CCT3: variants seen among roughly 807,000 people sequenced by gnomAD.
CCT3 encodes chaperonin containing TCP1 subunit 3, also known as T-complex protein 1 subunit gamma.
A neutral mutation model predicts 65.3 loss-of-function variants in CCT3; 10 were observed. The ratio of observed to expected loss-of-function variants is 0.15; its 90% CI spans 0.09 to 0.26. The LOEUF is 0.26. Ranked by LOEUF, CCT3 falls within the 10% of genes least tolerant of loss-of-function variation. The pLI is 1.00. For missense variants in CCT3, 626 were observed against 708.7 expected (o/e 0.88, Z 1.33); for synonymous variants, 225 against 242.3 (o/e 0.93, Z 0.66).
intron 10 of CCT3, among the ~76,000 whole-genome samples, chr1:156,316,142 C>T (rs368354562): frequency 1.1e-4 from 16 of 151,610 alleles, no homozygotes; most frequent in African/African-American, 2.4e-4. Context: ...AATAATACAA[C>T]GGCAAAAAAT....
At chr1:156,328,396 C>T (rs1211057513) in intron 5 of CCT3, among the ~76,000 whole-genome samples, 1 of 151,950 alleles carries the variant, frequency 6.6e-6, no homozygotes, top group Admixed American at 6.6e-5. Context: ...ATGACAATGG[C>T]GGTTTTGTGG....
chr1:156,319,468 T>C (rs909688276), intron 7 of CCT3, among the ~76,000 whole-genome samples: 1 of 152,152 alleles, frequency 6.6e-6, no homozygotes, highest in African/African-American at 2.4e-5. Context: ...AAAAATATTA[T>C]TGGAATCACA....
intron 4 of CCT3, 76 bp from the exon 5 acceptor site, chr1:156,333,719 G>A (rs1381461285): frequency 7.3e-6 from 8 of 1,088,456 alleles, no homozygotes; most frequent in Non-Finnish European, 1.1e-5. Context: ...CTAACTCTTG[G>A]GCTTCTTGCT....
chr1:156,327,428 T>C (rs949113834), intron 5 of CCT3, among the ~76,000 whole-genome samples: 8 of 152,090 alleles, frequency 5.3e-5, no homozygotes, highest in South Asian at 2.1e-4. Flanking sequence ...GTGCCTGCGA[T>C]TGCAGGCGCG....
intron 5 of CCT3, among the ~76,000 whole-genome samples, chr1:156,327,423 T>C (rs1412824222): frequency 6.6e-6 from 1 of 152,076 alleles, no homozygotes; most frequent in East Asian, 1.9e-4. Flanking sequence ...GCCGAGTGCC[T>C]GCGATTGCAG....
intron 5 of CCT3, among the ~76,000 whole-genome samples, chr1:156,331,060 C>T (rs1336558196): frequency 6.6e-6 from 1 of 151,470 alleles, no homozygotes; most frequent in East Asian, 1.9e-4. Flanking sequence ...GGTGAAATCC[C>T]GTCACTATTA....
chr1:156,324,500 T>C (rs1398243226), intron 6 of CCT3, among the ~76,000 whole-genome samples: 1 of 152,136 alleles, frequency 6.6e-6, no homozygotes, highest in Non-Finnish European at 1.5e-5. Context: ...GATGGGAGTT[T>C]CGCTCTTGTT....
chr1:156,334,954 A>T, intron 2 of CCT3, 36 bp from the exon 3 acceptor site: 1 of 1,588,324 alleles, frequency 6.3e-7, no homozygotes, highest in East Asian at 2.2e-5. Context: ...GCAAGCACAA[A>T]TCAGAGGACA....
intron 10 of CCT3, among the ~76,000 whole-genome samples, chr1:156,316,326 TCAAGGG>T (rs1223178210): frequency 6.6e-6 from 1 of 152,174 alleles, no homozygotes; most frequent in African/African-American, 2.4e-5. Context: ...ACTTTAGTAT[TCAAGGG>T]GGCGGGGATC....
chr1:156,325,140 G>C (rs374403389), intron 5 of CCT3, 51 bp from the exon 6 acceptor site: 1 of 1,268,484 alleles, frequency 7.9e-7, no homozygotes, highest in East Asian at 2.3e-5. Flanking sequence ...TGGATATCAA[G>C]GCAAGTAACT....
intron 10 of CCT3, among the ~76,000 whole-genome samples, chr1:156,315,468 C>G (rs542180773): frequency 6.6e-6 from 1 of 152,164 alleles, no homozygotes; most frequent in Non-Finnish European, 1.5e-5. Context: ...CTTGGCCTCC[C>G]AAAGTGCTGG....
At chr1:156,327,573 G>A (rs1664879413) in intron 5 of CCT3, among the ~76,000 whole-genome samples, 2 of 152,276 alleles carry the variant, frequency 1.3e-5, no homozygotes, top group Admixed American at 6.5e-5. Context: ...GATTGCAGAC[G>A]GAGTCTCGTT....
At chr1:156,313,438 C>T (rs1053630432) in intron 10 of CCT3, among the ~76,000 whole-genome samples, 3 of 150,076 alleles carry the variant, frequency 2.0e-5, no homozygotes, top group Non-Finnish European at 4.4e-5. Flanking sequence ...TATATGAAAG[C>T]GACCTAATCA....
intron 5 of CCT3, among the ~76,000 whole-genome samples, chr1:156,329,944 A>G (rs1431041578): frequency 6.6e-6 from 1 of 152,014 alleles, no homozygotes; most frequent in Non-Finnish European, 1.5e-5. Context: ...GTCTCGAAAA[A>G]AAAAAAAGCA....
Position 156,317,259 on chromosome 1 carries a change from A to G in CCT3, c.893-12T>C. On this transcript the variant is annotated splice_polypyrimidine_tract_variant and intron_variant, in intron 9 of 13. Coordinates refer to ENST00000295688, the MANE Select transcript of CCT3 (RefSeq NM_005998.5). ...GTGCTGAGCTAAATCTACAAATCCA[A>G]GAGTAGAGATGTCAAGCTGGGTTCT... The G allele has an allele frequency of 2.5e-6, 4 of 1,613,434 alleles. No individual in the cohort carries two copies. Among genetic ancestry groups the G allele is most frequent in the Non-Finnish European group, 3.4e-6 (4 of 1,179,328 alleles).
chr1:156,319,916 T>C (rs1664480530), intron 7 of CCT3, among the ~76,000 whole-genome samples: 1 of 152,134 alleles, frequency 6.6e-6, no homozygotes, highest in Non-Finnish European at 1.5e-5. Flanking sequence ...TAAGCTTATA[T>C]CCTGACCAAA....
intron 5 of CCT3, among the ~76,000 whole-genome samples, chr1:156,327,724 G>T (rs1448450494): frequency 6.6e-6 from 1 of 151,574 alleles, no homozygotes; most frequent in Non-Finnish European, 1.5e-5. Context: ...TCTGGGAAGT[G>T]AGGAGCGTCT....
intron 1 of CCT3, 51 bp from the exon 2 acceptor site, chr1:156,335,939 A>G: frequency 1.4e-6 from 2 of 1,410,600 alleles, no homozygotes; most frequent in Non-Finnish European, 2.0e-6. Flanking sequence ...CCCATCGTAC[A>G]CAAGCTATTT....
chr1:156,321,611 C>T (rs1455131071), intron 6 of CCT3, among the ~76,000 whole-genome samples: 1 of 152,216 alleles, frequency 6.6e-6, no homozygotes, highest in Non-Finnish European at 1.5e-5. Flanking sequence ...CGGTGGCTCA[C>T]GCCTGTAATC....
Sources: gnomAD v4.1 joint callset for allele counts (sites outside exome capture counted in the v4.1 genomes callset) on GRCh38, gnomAD v4.1.1 for gene constraint, MANE v1.5 for transcripts, NCBI Gene and HGNC (gene_info 2026-07-23, HGNC 2026-07-21) for gene names.